Variants in TCP11L2 observed in about 807,000 individuals in gnomAD.
The protein encoded by TCP11L2 is T-complex protein 11-like protein 2.
A neutral mutation model predicts 50.7 loss-of-function variants in TCP11L2; 39 were observed. The observed-to-expected ratio is 0.77, with a 90% CI of 0.60 to 1.01. The LOEUF (loss-of-function observed/expected upper bound fraction) is 1.01, where lower values mean the gene tolerates loss of function less well. Among genes scored for constraint, TCP11L2 ranks in the 50% least tolerant of loss-of-function variants. TCP11L2 has a pLI of 0.00. For synonymous variants in TCP11L2, 192 were observed against 219.3 expected (o/e 0.88, Z 1.10); for missense variants, 612 against 614.7 (o/e 1.00, Z 0.05).
At position 106,314,349 on chromosome 12, in the gene TCP11L2, T is replaced by A. The variant is rs1269712142; in HGVS notation, c.158-9T>A. On this transcript the variant is annotated splice_polypyrimidine_tract_variant and intron_variant, in intron 2 of 9. Transcript: ENST00000299045. ...CTGCAACATTAACTGGCTTTTGTTT[T>A]TCTTTCAGCAACAAGCCCTCCAAGG... is the stretch of plus-strand genomic sequence containing the variant. 11 of 1,594,752 alleles carry A rather than the reference T, an allele frequency of 6.9e-6. No individual in the cohort carries two copies. Among genetic ancestry groups the A allele is most frequent in the Non-Finnish European group, 9.4e-6 (11 of 1,165,178 alleles).
intron 6 of TCP11L2, among the ~76,000 whole-genome samples, chr12:106,332,049 C>T (rs2035765450): frequency 6.6e-6 from 1 of 152,128 alleles, no homozygotes; most frequent in Non-Finnish European, 1.5e-5. Context: ...TTATACTGGG[C>T]TCTGTTTGAC....
intron 6 of TCP11L2, among the ~76,000 whole-genome samples, chr12:106,328,691 C>A (rs796627039): frequency 2.6e-5 from 4 of 152,174 alleles, no homozygotes; most frequent in Middle Eastern, 3.2e-3. Flanking sequence ...AGTTGTATTG[C>A]AAGGAACAGA....
chr12:106,305,834 G>A (rs917187775), intron 1 of TCP11L2, among the ~76,000 whole-genome samples: 4 of 152,164 alleles, frequency 2.6e-5, no homozygotes, highest in South Asian at 2.1e-4. Context: ...TGAGTGCCCC[G>A]AAATAGGAAG....
chr12:106,318,225 A>G, intron 3 of TCP11L2, 119 bp from the exon 4 acceptor site: 1 of 1,188,370 alleles, frequency 8.4e-7, no homozygotes, highest in African/African-American at 1.6e-5. Flanking sequence ...TTAATGGATT[A>G]AGGACAATTA....
At chr12:106,305,287 T>C (rs1376013645) in intron 1 of TCP11L2, among the ~76,000 whole-genome samples, 1 of 151,752 alleles carries the variant, frequency 6.6e-6, no homozygotes, top group Non-Finnish European at 1.5e-5. Context: ...AGAACAGTTA[T>C]TGAGTGCTTA....
chr12:106,331,473 G>A (rs2035744646), intron 6 of TCP11L2, among the ~76,000 whole-genome samples: 1 of 152,216 alleles, frequency 6.6e-6, no homozygotes, highest in Non-Finnish European at 1.5e-5. Context: ...GTATCAGGCA[G>A]AGAACCTGAC....
Position 106,346,594 on chromosome 12 carries a change from T to C in TCP11L2, c.*64T>C. 1 of 1,551,282 alleles carries C rather than the reference T, an allele frequency of 6.4e-7. No homozygotes were observed. The highest frequency in any genetic ancestry group is 8.7e-7 in the Non-Finnish European group (1 of 1,153,384). ...ACTTTGGTATCCAGTCCACTTCCAT[T>C]GATGGCATTAGAGATCCAGCACATT... On this transcript the variant is annotated 3_prime_UTR_variant, in exon 10 of 10. Transcript: ENST00000299045.
chr12:106,321,718 T>C lies in TCP11L2; in HGVS notation c.635+12T>C, dbSNP rs749097891. 3.8e-5 allele frequency: 62 copies of C among 1,611,316 alleles called. No homozygotes were observed. In the East Asian group the frequency reaches 1.3e-3, roughly 35 times the overall value. On this transcript the variant is annotated intron_variant, in intron 5 of 9. Transcript: ENST00000299045. ...GTGGAGGTGCTGAGGTTAGCACTTT[T>C]GCTGTTTGCATTTCCTAGAGTATCT...
intron 8 of TCP11L2, among the ~76,000 whole-genome samples, chr12:106,338,848 A>G (rs2036002879): frequency 6.6e-6 from 1 of 152,202 alleles, no homozygotes; most frequent in African/African-American, 2.4e-5. Flanking sequence ...CTTTTTAATA[A>G]TAGCCATTCA....
chr12:106,319,525 C>G (rs2035259259), intron 4 of TCP11L2, among the ~76,000 whole-genome samples: 1 of 152,172 alleles, frequency 6.6e-6, no homozygotes, highest in African/African-American at 2.4e-5. Context: ...TAGGGTGATG[C>G]TAAAGCGCAG....
chr12:106,300,442 G>A (rs533860886), upstream of TCP11L2, among the ~76,000 whole-genome samples: 87 of 152,312 alleles, frequency 5.7e-4, 1 homozygote, highest in African/African-American at 1.9e-3. Flanking sequence ...CGATTCTCCT[G>A]CCTCAGCTTC....
At chr12:106,328,944 C>T (rs2035649858) in intron 6 of TCP11L2, among the ~76,000 whole-genome samples, 1 of 152,140 alleles carries the variant, frequency 6.6e-6, no homozygotes, top group African/African-American at 2.4e-5. Flanking sequence ...GCACGTGACT[C>T]TGCTCGGCCA....
chr12:106,303,241 A>C (rs1451424468), intron 1 of TCP11L2: 1 of 152,164 alleles, frequency 6.6e-6, no homozygotes, highest in South Asian at 2.1e-4. Context: ...CGCTGTTTAA[A>C]TCCTGCTGGA....
intron 1 of TCP11L2, among the ~76,000 whole-genome samples, chr12:106,304,510 C>T (rs551095204): frequency 6.6e-6 from 1 of 152,344 alleles, no homozygotes; most frequent in African/African-American, 2.4e-5. Flanking sequence ...AAGACTGATT[C>T]TAAAGCAGCA....
rs757192185 is a variant in TCP11L2 at position 106,336,036 on chromosome 12, T to A, written c.965T>A (p.Leu322His). ...DYQKKELPET[L>H]MTDGARLQEL... ...TATTTTAAATAAATATGTTAGACAC[T>A]TATGACAGATGGAGCACGTCTTCAG... is the stretch of plus-strand genomic sequence containing the variant. The change falls in exon 8 of 10, where the codon CTT becomes CAT. Residue 322 changes from leucine (L) to histidine (H), a missense_variant. Transcript: ENST00000299045. 5 of 1,608,688 alleles carry A rather than the reference T, an allele frequency of 3.1e-6. No homozygotes were observed. Among genetic ancestry groups the A allele is most frequent in the Admixed American group, 1.7e-5 (1 of 58,628 alleles).
Position 106,309,198 on chromosome 12 carries a change from G to C in TCP11L2, c.-35-1843G>C, listed in dbSNP as rs374355690. On this transcript the variant is annotated intron_variant, in intron 1 of 9. Coordinates refer to ENST00000299045, the MANE Select transcript of TCP11L2 (RefSeq NM_152772.3). ...GGGGTTTGGTGGCAGTGAAAGGTTT[G>C]AAGTAGCCCCTTTTCTTCTGTCTTC... 1.3e-4 allele frequency among the ~76,000 whole-genome samples: 20 copies of C among 152,344 alleles called. No homozygotes were observed. In the East Asian group the frequency reaches 1.5e-3, roughly 12 times the overall value.
chr12:106,345,216 C>T lies in TCP11L2; in HGVS notation c.1316-1070C>T, dbSNP rs182145307. Among the ~76,000 whole-genome samples the T allele has an allele frequency of 4.3e-3, 649 of 152,222 alleles. 6 individuals are homozygous for T. Among genetic ancestry groups the T allele is most frequent in the South Asian group, 6.4e-3 (31 of 4,820 alleles). ...TTCACTATATTGCCCAGGCTGGTCT[C>T]GAACTCCTAGGCTCAATCAGTCTCC... On this transcript the variant is annotated intron_variant, in intron 9 of 9. Coordinates refer to ENST00000299045, the MANE Select transcript of TCP11L2 (RefSeq NM_152772.3).
chr12:106,318,331 T>C lies in TCP11L2; in HGVS notation c.294-13T>C. ...ATGCTTATTTTAAAAAACAATTCAT[T>C]TTATTGCCATAGTTTGGCTGGTCGA... On this transcript the variant is annotated splice_polypyrimidine_tract_variant and intron_variant, in intron 3 of 9. Coordinates refer to ENST00000299045, the MANE Select transcript of TCP11L2 (RefSeq NM_152772.3). 2.5e-6 allele frequency: 4 copies of C among 1,608,964 alleles called. No homozygotes were observed. Among genetic ancestry groups the C allele is most frequent in the Non-Finnish European group, 3.4e-6 (4 of 1,177,160 alleles).
intron 3 of TCP11L2, among the ~76,000 whole-genome samples, chr12:106,316,802 T>TA (rs1473526562): frequency 6.6e-6 from 1 of 152,224 alleles, no homozygotes; most frequent in East Asian, 1.9e-4. Flanking sequence ...GCCCTACACA[T>TA]ATTGGATGTT....
Sources: allele counts gnomAD v4.1 joint callset (sites outside exome capture counted in the v4.1 genomes callset), GRCh38; gene constraint gnomAD v4.1.1; transcripts MANE v1.5; gene names NCBI Gene and HGNC (gene_info 2026-07-23, HGNC 2026-07-21).